DLG2: variants seen among roughly 807,000 people sequenced by gnomAD.
DLG2 encodes the protein discs large MAGUK scaffold protein 2.
Under a neutral mutation model 132.5 loss-of-function variants are expected in DLG2, and 45 were observed. The ratio of observed to expected loss-of-function variants is 0.34; its 90% CI spans 0.27 to 0.44. The LOEUF is 0.44. DLG2 is among the 20% of genes least tolerant of loss of function. The probability of loss-of-function intolerance (pLI) is 1.00; values close to 1 mark genes in which losing one functional copy is unlikely to be tolerated. For synonymous variants in DLG2, 424 were observed against 419.6 expected (o/e 1.01, Z -0.13); for missense variants, 1,045 against 1,196.9 (o/e 0.87, Z 1.87).
intron 6 of DLG2, among the ~76,000 whole-genome samples, chr11:84,776,922 T>A (rs1160237758): frequency 1.3e-5 from 2 of 152,038 alleles, no homozygotes; most frequent in African/African-American, 4.8e-5. Context: ...AATTACTGGG[T>A]AGAAGTGTAA....
chr11:84,746,062 T>C (rs910678393), intron 6 of DLG2, among the ~76,000 whole-genome samples: 7 of 152,204 alleles, frequency 4.6e-5, no homozygotes, highest in Admixed American at 1.3e-4. Flanking sequence ...AAATGGATGA[T>C]ATATTGTTTC....
intron 4 of DLG2, among the ~76,000 whole-genome samples, chr11:85,236,535 T>G (rs1191789675): frequency 1.3e-5 from 2 of 152,078 alleles, no homozygotes; most frequent in Admixed American, 1.3e-4. Flanking sequence ...TCATTTTAAC[T>G]AAATAACTTC....
intron 7 of DLG2, among the ~76,000 whole-genome samples, chr11:84,368,850 AACAG>A (rs1327321596): frequency 3.9e-5 from 6 of 152,166 alleles, no homozygotes; most frequent in African/African-American, 7.2e-5. Context: ...TTCATCAAGT[AACAG>A]ACAGAAAAAG....
chr11:83,711,184 C>G (rs999350982), intron 18 of DLG2, among the ~76,000 whole-genome samples: 3 of 152,168 alleles, frequency 2.0e-5, no homozygotes, highest in Non-Finnish European at 4.4e-5. Context: ...ACAAAGAGAA[C>G]TAGATAAAGA....
intron 11 of DLG2, among the ~76,000 whole-genome samples, chr11:84,044,423 T>C (rs2096190404): frequency 6.6e-6 from 1 of 151,740 alleles, no homozygotes; most frequent in African/African-American, 2.4e-5. Flanking sequence ...ACCTTTGTCC[T>C]TTGTGCCTAG....
At chr11:85,094,861 A>G (rs188612462) in intron 6 of DLG2, among the ~76,000 whole-genome samples, 10 of 152,300 alleles carry the variant, frequency 6.6e-5, no homozygotes, top group African/African-American at 9.6e-5. Context: ...TTTTCAGCCT[A>G]TCTTGGCTTT....
At chr11:84,734,763 T>C (rs2063606381) in intron 6 of DLG2, among the ~76,000 whole-genome samples, 2 of 152,296 alleles carry the variant, frequency 1.3e-5, no homozygotes, top group African/African-American at 2.4e-5. Context: ...AGCAAGATAT[T>C]GGCTGTGGGT....
At chr11:85,371,733 C>T (rs148156387) in intron 3 of DLG2, among the ~76,000 whole-genome samples, 8 of 152,264 alleles carry the variant, frequency 5.3e-5, no homozygotes, top group African/African-American at 1.7e-4. Flanking sequence ...ATCTTGGGAC[C>T]TTTGGAGAGG....
chr11:83,484,292 G>A, intron 21 of DLG2, 64 bp from the exon 22 acceptor site: 1 of 1,186,458 alleles, frequency 8.4e-7, no homozygotes. Flanking sequence ...CACTCATGCT[G>A]ACAAAACAAC....
At chr11:84,155,249 C>T (rs1173467516) in intron 9 of DLG2, among the ~76,000 whole-genome samples, 1 of 152,066 alleles carries the variant, frequency 6.6e-6, no homozygotes, top group Non-Finnish European at 1.5e-5. Flanking sequence ...CAATGTATGC[C>T]CTTCTTTAGG....
chr11:83,928,131 G>C (rs1302404455), intron 15 of DLG2, among the ~76,000 whole-genome samples: 2 of 151,090 alleles, frequency 1.3e-5, no homozygotes, highest in South Asian at 4.2e-4. Context: ...TAAGATAATG[G>C]AAAAAGAAAA....
chr11:84,223,743 G>A lies in DLG2; in HGVS notation c.573+27495C>T, dbSNP rs182438349. 1.9e-3 allele frequency among the ~76,000 whole-genome samples: 283 copies of A among 152,180 alleles called. 1 individual carries two copies. Among genetic ancestry groups the A allele is most frequent in the African/African-American group, 6.3e-3 (261 of 41,512 alleles). ...AGCTAATTTCTGTATTTTTAGTAGCGATGGGGTTTCGGCATGTTGGCCAGG... is the reference window on the plus strand; with the variant it reads ...AGCTAATTTCTGTATTTTTAGTAGCAATGGGGTTTCGGCATGTTGGCCAGG... On this transcript the variant is annotated intron_variant, in intron 8 of 27. Transcript: ENST00000376104.
chr11:84,630,784 C>G (rs2099630223), intron 6 of DLG2, among the ~76,000 whole-genome samples: 1 of 152,016 alleles, frequency 6.6e-6, no homozygotes, highest in Admixed American at 6.6e-5. Flanking sequence ...TGTAAGGAAA[C>G]AGGGAGTGAA....
intron 7 of DLG2, among the ~76,000 whole-genome samples, chr11:84,473,030 C>A (rs1014910457): frequency 6.6e-6 from 1 of 151,876 alleles, no homozygotes; most frequent in Non-Finnish European, 1.5e-5. Context: ...CTAGAAGGAA[C>A]TTAGAGTGTG....
intron 11 of DLG2, among the ~76,000 whole-genome samples, chr11:83,987,761 C>T (rs187529478): frequency 1.3e-5 from 2 of 152,038 alleles, no homozygotes; most frequent in African/African-American, 4.8e-5. Flanking sequence ...AAAACCTAGG[C>T]ATTACCATTC....
rs536074134 is a variant in DLG2, at chr11:83,513,421, G to A, written c.2193+19287C>T. Among the ~76,000 whole-genome samples the A allele has an allele frequency of 3.5e-4, 54 of 152,286 alleles. 1 individual carries two copies. Among genetic ancestry groups the A allele is most frequent in the Middle Eastern group, 3.4e-3 (1 of 294 alleles). ...TTGTTGGAGTTCATTGTAGATTCTG[G>A]ATATTAGTCCTTTGTCAGATGGGTA... is the stretch of plus-strand genomic sequence containing the variant. On this transcript the variant is annotated intron_variant, in intron 21 of 27. Transcript: ENST00000376104.
intron 17 of DLG2, among the ~76,000 whole-genome samples, chr11:83,820,827 T>C (rs1473699964): frequency 6.6e-6 from 1 of 152,172 alleles, no homozygotes; most frequent in South Asian, 2.1e-4. Context: ...CCATATTTAG[T>C]TATTCTCTGG....
intron 19 of DLG2, among the ~76,000 whole-genome samples, chr11:83,618,997 CCT>C (rs1287608512): frequency 6.6e-6 from 1 of 152,100 alleles, no homozygotes; most frequent in African/African-American, 2.4e-5. Flanking sequence ...TCTTTTTACC[CCT>C]GACAGCATCC....
At position 83,717,648 on chromosome 11, in the gene DLG2, A is replaced by G. The variant is rs181049506; in HGVS notation, c.1825+69042T>C. 1.3e-3 allele frequency among the ~76,000 whole-genome samples: 191 copies of G among 152,354 alleles called. 1 individual carries two copies. Among genetic ancestry groups the G allele is most frequent in the African/African-American group, 4.3e-3 (179 of 41,590 alleles). ...GTCTGTCTGTAAAAACACAGGGGGA[A>G]AAAAGTACAGAAAAACTCATGGCCT... is the stretch of plus-strand genomic sequence containing the variant. On this transcript the variant is annotated intron_variant, in intron 18 of 27. Transcript: ENST00000376104.
Sources: allele counts gnomAD v4.1 joint callset (sites outside exome capture counted in the v4.1 genomes callset), GRCh38; gene constraint gnomAD v4.1.1; transcripts MANE v1.5; gene names NCBI Gene and HGNC (gene_info 2026-07-23, HGNC 2026-07-21).